The following TBC1D31 variants were observed in gnomAD, a reference collection of about 807,000 sequenced individuals.
TBC1D31 encodes WD repeat domain 67.
TBC1D31 carries 99 observed loss-of-function variants against 132.9 expected under a neutral mutation model. That is an observed-to-expected ratio of 0.74 (90% CI 0.63 to 0.88). The LOEUF (loss-of-function observed/expected upper bound fraction) is 0.88. Among genes scored for constraint, TBC1D31 ranks in the 40% least tolerant of loss-of-function variants. The pLI, the probability that TBC1D31 is intolerant of heterozygous loss-of-function variation, is 0.00. For synonymous variants in TBC1D31, 385 were observed against 419.4 expected, an observed-to-expected ratio of 0.92 and a Z score of 1.00; for missense variants, 1,134 against 1,256.6, an observed-to-expected ratio of 0.90 and a Z score of 1.48.
intron 10 of TBC1D31, among the ~76,000 whole-genome samples, chr8:123,110,232 T>C (rs1462616013): frequency 6.6e-6 from 1 of 152,220 alleles, no homozygotes; most frequent in Non-Finnish European, 1.5e-5. Flanking sequence ...TTTTTTTATC[T>C]AAAAGTGGGG....
At position 123,128,350 on chromosome 8, in the gene TBC1D31, A is replaced by G; in HGVS notation, c.1954A>G (p.Thr652Ala). Residue 652 changes from threonine to alanine, a missense_variant, in exon 14 of 22, where the codon ACC becomes GCC. Transcript: ENST00000287380. ...VIRQVYHLME[T>A]TPTDIHPDSM... is the part of the protein sequence containing the mutation. ...TAGACAAGTTTATCATCTCATGGAGACCACGCCTACTGACATTCATCCAGA... is the reference window on the plus strand; with the variant it reads ...TAGACAAGTTTATCATCTCATGGAGGCCACGCCTACTGACATTCATCCAGA... The G allele has an allele frequency of 1.2e-6, 2 of 1,613,646 alleles. No individual in the cohort carries two copies. The highest frequency in any genetic ancestry group is 1.7e-6 in the Non-Finnish European group (2 of 1,179,674).
chr8:123,131,827 A>G (rs1240511540), intron 16 of TBC1D31, among the ~76,000 whole-genome samples: 1 of 152,132 alleles, frequency 6.6e-6, no homozygotes, highest in Non-Finnish European at 1.5e-5. Flanking sequence ...CAGTCTTAAT[A>G]TTTGCCAAGC....
chr8:123,078,064 A>T (rs575293022), intron 2 of TBC1D31, among the ~76,000 whole-genome samples: 229 of 152,146 alleles, frequency 1.5e-3, no homozygotes, highest in African/African-American at 5.3e-3. Context: ...AAAAAAAAAA[A>T]GTTGGTTTTC....
chr8:123,126,754 T>A, intron 13 of TBC1D31, 67 bp downstream of exon 13: 1 of 1,438,972 alleles, frequency 6.9e-7, no homozygotes, highest in Non-Finnish European at 9.4e-7. Context: ...TTTTTTTTAA[T>A]TTTTTGAGAC....
chr8:123,080,526 A>C lies in TBC1D31; in HGVS notation c.225-2176A>C, dbSNP rs367948308. Among the ~76,000 whole-genome samples, 23 of 74,752 alleles carry C rather than the reference A, an allele frequency of 3.1e-4. No individual in the cohort carries two copies. The South Asian group carries it at 5.6e-3, about 18-fold the overall frequency. The allele number at this position is 74,752 out of a possible 152,430, so 49.0% of individuals were successfully genotyped here. ...GAGAGCTTTTCTTTTCTTTTCTTTT[A>C]TTCTTTTTTTTTTTTTTTTTTTTTT... On this transcript the variant is annotated intron_variant, in intron 2 of 21. Transcript: ENST00000287380.
chr8:123,114,593 A>G (rs1404997029), intron 10 of TBC1D31, among the ~76,000 whole-genome samples: 1 of 152,182 alleles, frequency 6.6e-6, no homozygotes, highest in Non-Finnish European at 1.5e-5. Flanking sequence ...AAGTGCTGGC[A>G]TTACAGGTGT....
chr8:123,121,103 G>A (rs187593789), intron 11 of TBC1D31, among the ~76,000 whole-genome samples: 14 of 151,486 alleles, frequency 9.2e-5, no homozygotes, highest in East Asian at 3.9e-4. Flanking sequence ...ACAGGCACCC[G>A]CCACACCATG....
At position 123,128,361 on chromosome 8, in the gene TBC1D31, T is replaced by A. The variant is rs149266172; in HGVS notation, c.1965T>A (p.Thr655=). The change falls in exon 14 of 22, where the codon ACT becomes ACA. Residue 655 remains threonine (T), a synonymous_variant. Coordinates refer to ENST00000287380, the MANE Select transcript of TBC1D31 (RefSeq NM_145647.4). ...QVYHLMETTP[T]DIHPDSMLNV... ...ATCATCTCATGGAGACCACGCCTAC[T>A]GACATTCATCCAGACAGCATGCTTA... 16 of 1,613,564 alleles carry A rather than the reference T, an allele frequency of 9.9e-6. No homozygotes were observed. Among genetic ancestry groups the A allele is most frequent in the African/African-American group, 9.3e-5 (7 of 75,024 alleles).
chr8:123,094,588 G>A (rs1025458444), intron 5 of TBC1D31, among the ~76,000 whole-genome samples: 4 of 151,704 alleles, frequency 2.6e-5, no homozygotes, highest in African/African-American at 9.7e-5. Flanking sequence ...CCCCCAGGCT[G>A]GAGTGCAATG....
At chr8:123,107,315 G>A (rs1434968426) in intron 8 of TBC1D31, among the ~76,000 whole-genome samples, 3 of 152,128 alleles carry the variant, frequency 2.0e-5, no homozygotes, top group Non-Finnish European at 2.9e-5. Context: ...AAGAAATAGA[G>A]CATTACCGTA....
chr8:123,098,070 C>T (rs1161336615), intron 6 of TBC1D31, among the ~76,000 whole-genome samples: 2 of 152,092 alleles, frequency 1.3e-5, no homozygotes, highest in East Asian at 3.9e-4. Flanking sequence ...ATATGTTTTA[C>T]ATATATATGT....
intron 10 of TBC1D31, among the ~76,000 whole-genome samples, chr8:123,119,262 C>T (rs1327710849): frequency 2.6e-5 from 4 of 152,168 alleles, no homozygotes; most frequent in Admixed American, 6.5e-5. Context: ...TGCAAATGCA[C>T]GTATTCTTGA....
chr8:123,161,139 A>AGCCTGC, the TBC1D31 span, among the ~76,000 whole-genome samples: 23 of 152,182 alleles, frequency 1.5e-4, no homozygotes, highest in Non-Finnish European at 2.9e-4. Context: ...CGAGGGCCTC[A>AGCCTGC]GCCTGCGCCT....
At position 123,126,651 on chromosome 8, in the gene TBC1D31, G is replaced by T; in HGVS notation, c.1848G>T (p.Thr616=). Residue 616 remains threonine, a synonymous_variant, in exon 13 of 22, where the codon ACG becomes ACT. Coordinates refer to ENST00000287380, the MANE Select transcript of TBC1D31 (RefSeq NM_145647.4). ...TAGCCTACAACATATGTTCTAGAAC[G>T]CCTCTGCTCAGCTGTAATCTTAAAG... is the stretch of plus-strand genomic sequence containing the variant. The part of the protein sequence containing the change: ...TVVAYNICSR[T]PLLSCNLKDD... 6.2e-7 allele frequency: 1 copy of T among 1,613,430 alleles called. No individual in the cohort carries two copies. Among genetic ancestry groups the T allele is most frequent in the Non-Finnish European group, 8.5e-7 (1 of 1,179,708 alleles).
intron 18 of TBC1D31, among the ~76,000 whole-genome samples, chr8:123,141,844 C>CTTTTTTTTTTTTTTT (rs1160750679): frequency 9.6e-5 from 5 of 52,044 alleles, no homozygotes; most frequent in African/African-American, 3.3e-4. Flanking sequence ...TTGAAGAGCT[C>CTTTTTTTTTTTTTTT]TTTTTTTTTT....
the TBC1D31 span, among the ~76,000 whole-genome samples, chr8:123,162,980 G>A: frequency 4.4e-3 from 663 of 151,980 alleles, 2 homozygotes; most frequent in Non-Finnish European, 7.5e-3. Context: ...TTACAGGCGC[G>A]CCACCACACT....
intron 10 of TBC1D31, among the ~76,000 whole-genome samples, chr8:123,117,530 G>A (rs926576241): frequency 9.9e-5 from 15 of 151,616 alleles, no homozygotes; most frequent in South Asian, 4.2e-4. Flanking sequence ...CGAGACGGGC[G>A]GATGACGAGG....
At chr8:123,111,545 A>G (rs1818439626) in intron 10 of TBC1D31, among the ~76,000 whole-genome samples, 2 of 152,144 alleles carry the variant, frequency 1.3e-5, no homozygotes, top group South Asian at 2.1e-4. Flanking sequence ...TTTTCAATTC[A>G]GATTTAAGAT....
chr8:123,151,947 G>C lies in TBC1D31; in HGVS notation c.*8G>C. The C allele has an allele frequency of 6.6e-7, 1 of 1,520,198 alleles. No homozygotes were observed. Among genetic ancestry groups the C allele is most frequent in the Non-Finnish European group, 8.8e-7 (1 of 1,136,992 alleles). The allele number at this position is 1,520,198 out of a possible 1,614,324, so 94.2% of individuals were successfully genotyped here. A position where few individuals can be genotyped will look rare whatever the true frequency, so the allele number is the denominator to read the frequency against. ...CATCTTTTGGCTGCATAGAATGCATGTCACCTTGAGACGGTCGAGAGAGAG... is the reference window on the plus strand; with the variant it reads ...CATCTTTTGGCTGCATAGAATGCATCTCACCTTGAGACGGTCGAGAGAGAG... On this transcript the variant is annotated 3_prime_UTR_variant, in exon 22 of 22. Transcript: ENST00000287380.
Sources: allele counts gnomAD v4.1 joint callset (sites outside exome capture counted in the v4.1 genomes callset), GRCh38; gene constraint gnomAD v4.1.1; transcripts MANE v1.5; gene names NCBI Gene and HGNC (gene_info 2026-07-23, HGNC 2026-07-21).